Variants in TRHDE observed in about 807,000 individuals in gnomAD.
TRHDE encodes thyrotropin releasing hormone degrading enzyme, also known as thyrotropin-releasing hormone-degrading ectoenzyme.
A neutral mutation model predicts 125.7 loss-of-function variants in TRHDE; 72 were observed. The observed-to-expected ratio is 0.57, with a 90% confidence interval of 0.47 to 0.70. The LOEUF is 0.70. Ranked by LOEUF, TRHDE falls within the 30% of genes least tolerant of loss-of-function variation. TRHDE has a pLI of 0.00. For missense variants in TRHDE, 1,110 were observed against 1,327.1 expected, an observed-to-expected ratio of 0.84 and a Z score of 2.54; for synonymous variants, 509 against 509.1, an observed-to-expected ratio of 1.00 and a Z score of 0.00.
At chr12:72,595,801 A>T (rs1194255518) in intron 12 of TRHDE, among the ~76,000 whole-genome samples, 1 of 152,122 alleles carries the variant, frequency 6.6e-6, no homozygotes, top group Non-Finnish European at 1.5e-5. Context: ...TATAATTAAA[A>T]CATGCCATAT....
chr12:72,468,369 ACATAT>A (rs1463352165), intron 3 of TRHDE, among the ~76,000 whole-genome samples: 1 of 152,206 alleles, frequency 6.6e-6, no homozygotes, highest in Admixed American at 6.5e-5. Context: ...TCCTTTATAT[ACATAT>A]TTCTCAGTTT....
intron 4 of TRHDE, among the ~76,000 whole-genome samples, chr12:72,470,953 T>C (rs1028006391): frequency 1.5e-5 from 2 of 137,214 alleles, no homozygotes; most frequent in South Asian, 2.5e-4. Flanking sequence ...CTTGGCTCAC[T>C]GCAGTCTTCG....
chr12:72,096,009 C>T lies in TRHDE; in HGVS notation n.174+8570C>T, dbSNP rs184001834. 2.3e-3 allele frequency among the ~76,000 whole-genome samples: 345 copies of T among 152,304 alleles called. 1 individual carries two copies. The highest frequency in any genetic ancestry group is 3.6e-3 in the Admixed American group (55 of 15,302). On this transcript the variant is annotated intron_variant and non_coding_transcript_variant, in intron 1 of 4. Coordinates refer to the TRHDE transcript ENST00000548156. The stretch of plus-strand genomic sequence containing the variant: ...ATTCTGCCAGCAGATGGCTTTTGGA[C>T]TTGAACTGCTGCTTTGGCATCTCAC...
intron 6 of TRHDE, among the ~76,000 whole-genome samples, chr12:72,538,048 A>G (rs141202735): frequency 4.1e-4 from 62 of 152,164 alleles, no homozygotes; most frequent in African/African-American, 1.5e-3. Context: ...TCTTGCTTCA[A>G]TAATGATTTC....
intron 2 of TRHDE, among the ~76,000 whole-genome samples, chr12:72,225,464 C>G (rs927201818): frequency 1.3e-5 from 2 of 152,122 alleles, no homozygotes; most frequent in South Asian, 2.1e-4. Context: ...AGTGGAAAGA[C>G]AGAAGAAAGC....
chr12:72,375,638 G>T (rs1041583233), intron 2 of TRHDE, among the ~76,000 whole-genome samples: 2 of 152,078 alleles, frequency 1.3e-5, no homozygotes, highest in Non-Finnish European at 2.9e-5. Flanking sequence ...TCTTTTGAAA[G>T]CTATTCATTC....
chr12:72,445,202 A>T (rs1016414047), intron 3 of TRHDE, among the ~76,000 whole-genome samples: 1 of 152,002 alleles, frequency 6.6e-6, no homozygotes, highest in Non-Finnish European at 1.5e-5. Context: ...AGGAAGTGAT[A>T]TGATTTAATG....
intron 5 of TRHDE, among the ~76,000 whole-genome samples, chr12:72,490,431 A>C (rs940018381): frequency 1.3e-5 from 2 of 151,856 alleles, no homozygotes; most frequent in Non-Finnish European, 2.9e-5. Context: ...AACGATTAAA[A>C]ATAGAACTAC....
At chr12:72,510,121 C>G (rs1344097460) in intron 6 of TRHDE, among the ~76,000 whole-genome samples, 2 of 152,158 alleles carry the variant, frequency 1.3e-5, no homozygotes, top group African/African-American at 4.8e-5. Flanking sequence ...CTTCCCTCTC[C>G]TGCCTCAGGC....
chr12:72,400,246 T>A (rs1232732101), intron 3 of TRHDE, among the ~76,000 whole-genome samples: 1 of 152,086 alleles, frequency 6.6e-6, no homozygotes, highest in Non-Finnish European at 1.5e-5. Context: ...GCAGAAGGTA[T>A]TTTATACAGT....
chr12:72,427,401 A>T (rs994220716), intron 3 of TRHDE, among the ~76,000 whole-genome samples: 2 of 151,998 alleles, frequency 1.3e-5, no homozygotes, highest in African/African-American at 4.8e-5. Context: ...GCTGTAAGTC[A>T]TTTCATCCTA....
intron 2 of TRHDE, among the ~76,000 whole-genome samples, chr12:72,185,245 G>A (rs1370663219): frequency 6.6e-6 from 1 of 152,238 alleles, no homozygotes; most frequent in Non-Finnish European, 1.5e-5. Context: ...CACCGGGGCT[G>A]TGCTCGATTT....
chr12:72,424,176 G>T (rs1220939180), intron 3 of TRHDE, among the ~76,000 whole-genome samples: 2 of 152,122 alleles, frequency 1.3e-5, no homozygotes. Flanking sequence ...CTCTGGGTGG[G>T]ATCTTCCCTT....
intron 12 of TRHDE, among the ~76,000 whole-genome samples, chr12:72,592,750 A>C (rs1445305526): frequency 1.4e-5 from 2 of 147,266 alleles, no homozygotes; most frequent in African/African-American, 5.1e-5. Context: ...CACTCTTGCT[A>C]CTCAGGCTGA....
chr12:72,121,123 A>G (rs1875572129), intron 2 of TRHDE, among the ~76,000 whole-genome samples: 1 of 152,082 alleles, frequency 6.6e-6, no homozygotes, highest in African/African-American at 2.4e-5. Context: ...CAGTGTTGTA[A>G]TATTCTGTTT....
intron 2 of TRHDE, among the ~76,000 whole-genome samples, chr12:72,370,319 C>T (rs1871519667): frequency 6.6e-6 from 1 of 152,162 alleles, no homozygotes; most frequent in South Asian, 2.1e-4. Flanking sequence ...TATCTTTCAT[C>T]TGGACTTCTA....
intron 15 of TRHDE, among the ~76,000 whole-genome samples, chr12:72,640,620 G>C (rs1874016283): frequency 6.6e-6 from 1 of 151,728 alleles, no homozygotes; most frequent in African/African-American, 2.4e-5. Context: ...TAGAAATGGA[G>C]CTCTGAGTTC....
At chr12:72,256,532 AATGC>A (rs66927394) in intron 2 of TRHDE, 27,349 of 152,066 alleles carry the variant, frequency 0.18, 3,112 homozygotes, top group South Asian at 0.37. Flanking sequence ...CCCTTATTAG[AATGC>A]AAGTTCCACA....
At chr12:72,225,344 T>C (rs994218371) in intron 2 of TRHDE, among the ~76,000 whole-genome samples, 3 of 152,156 alleles carry the variant, frequency 2.0e-5, no homozygotes, top group African/African-American at 7.2e-5. Context: ...GCTTAAATAA[T>C]ATTTATCACC....
Sources: allele counts gnomAD v4.1 joint callset (sites outside exome capture counted in the v4.1 genomes callset), GRCh38; gene constraint gnomAD v4.1.1; transcripts MANE v1.5; gene names NCBI Gene and HGNC (gene_info 2026-07-23, HGNC 2026-07-21).